The following TAP1 variants were observed in gnomAD, a reference collection of about 807,000 sequenced individuals.
The protein encoded by TAP1 is transporter 1, ATP binding cassette subfamily B member, also known as antigen peptide transporter 1.
A neutral mutation model predicts 79.3 loss-of-function variants in TAP1; 56 were observed. That is an observed-to-expected ratio of 0.71 (90% CI 0.57 to 0.88). The LOEUF (loss-of-function observed/expected upper bound fraction) is 0.88, where lower values mean the gene tolerates loss of function less well. Ranked by LOEUF, TAP1 falls within the 40% of genes least tolerant of loss-of-function variation. The pLI is 0.00. For synonymous variants in TAP1, 355 were observed against 401.4 expected (o/e 0.88, Z 1.38); for missense variants, 737 against 936.3 (o/e 0.79, Z 2.78).
At chr6:32,846,224 A>G (rs944085178) in intron 10 of TAP1, 3 of 217,792 alleles carry the variant, frequency 1.4e-5, no homozygotes, top group Non-Finnish European at 2.8e-5. Flanking sequence ...TTTAACCTCC[A>G]TTTTGTCATC....
rs1487318590 is a variant in TAP1, at chr6:32,847,374, TGAA to T, written c.1903+136_1903+138del. ...GAACAGAATCCTGAGGATGTCAGGA[TGAA>T]GAAGCCATAGGAGCATGATCTTACA... On this transcript the variant is annotated intron_variant, in intron 9 of 10. Transcript: ENST00000354258. This position sits in a 1 kb window ranked among gnomAD's most constrained non-coding sequence, Gnocchi z 4.7. The T allele has an allele frequency of 1.3e-6, 2 of 1,499,346 alleles. No homozygotes were observed. The highest frequency in any genetic ancestry group is 1.4e-5 in the African/African-American group (1 of 72,282). 92.9% of individuals were successfully genotyped at this position (1,499,346 alleles called of 1,614,324 possible).
chr6:32,853,040 AAG>A lies in TAP1; in HGVS notation c.595_596del (p.Leu199TrpfsTer14). On this transcript the variant is annotated frameshift_variant and splice_region_variant, in exon 1 of 11. Transcript: ENST00000354258. LOFTEE classifies it high-confidence loss of function. This position sits in a 1 kb window ranked among gnomAD's most constrained non-coding sequence, Gnocchi z 8.3. ...LFLVLVVLSS[L>X]GEMAIPFFTG... Reference sequence around the variant, plus strand: ...CCTCTTGCCCTGCGTTCCCCTTACCAAGAGAGGAGAGGACCACCAGGACCAGG... The same window carrying A: ...CCTCTTGCCCTGCGTTCCCCTTACCAAGAGGAGAGGACCACCAGGACCAGG... The A allele has an allele frequency of 6.2e-7, 1 of 1,611,656 alleles. No homozygotes were observed. The highest frequency in any genetic ancestry group is 8.5e-7 in the Non-Finnish European group (1 of 1,179,932).
chr6:32,850,498 CG>C lies in TAP1; in HGVS notation c.1069del (p.Arg357GlyfsTer41). On this transcript the variant is annotated frameshift_variant, in exon 5 of 11. Transcript: ENST00000354258. LOFTEE classifies it high-confidence loss of function. The surrounding 1 kb of genome is among the most constrained non-coding windows in gnomAD (Gnocchi z 5.5). ...KWYQLLEVQV[R>X]ESLAKSSQVA... ...CTGGCTGGACTTTGCCAGAGATTCC[CG>C]CACCTGCACTTCCAGCAACTGTGGA... 1 of 1,613,142 alleles carries C rather than the reference CG, an allele frequency of 6.2e-7. No homozygotes were observed. Among genetic ancestry groups the C allele is most frequent in the Non-Finnish European group, 8.5e-7 (1 of 1,180,026 alleles).
At position 32,853,165 on chromosome 6, in the gene TAP1, C is replaced by G; in HGVS notation, c.472G>C (p.Gly158Arg). 5 of 1,612,566 alleles carry G rather than the reference C, an allele frequency of 3.1e-6. No homozygotes were observed. The highest frequency in any genetic ancestry group is 4.2e-6 in the Non-Finnish European group (5 of 1,179,848). The part of the protein sequence containing the change: ...LPAAALWHKL[G>R]SLWVPGGQGG... ...TGACCGCCGGGCACCCAGAGGCTCC[C>G]GAGTTTGTGCCACAGGGCTGCTGCG... Residue 158 changes from glycine to arginine, a missense_variant, in exon 1 of 11, where the codon GGG becomes CGG. Physicochemically the swap from Gly to Arg is moderately radical, Grantham distance 125. Coordinates refer to ENST00000354258, the MANE Select transcript of TAP1 (RefSeq NM_000593.6). This position sits in a 1 kb window ranked among gnomAD's most constrained non-coding sequence, Gnocchi z 8.3.
chr6:32,850,195 T>C lies in TAP1; in HGVS notation c.1248+125A>G. The stretch of plus-strand genomic sequence containing the variant: ...GTAGAGTCATTGAGCCTCAGGTTGC[T>C]AGGACGAAAATACTGAACCAACCAT... On this transcript the variant is annotated intron_variant, in intron 5 of 10. Transcript: ENST00000354258. This position sits in a 1 kb window ranked among gnomAD's most constrained non-coding sequence, Gnocchi z 5.5. 1 of 1,038,974 alleles carries C rather than the reference T, an allele frequency of 9.6e-7. No homozygotes were observed. The allele number at this position is 1,038,974 out of a possible 1,614,324, so 64.4% of individuals were successfully genotyped here.
chr6:32,852,513 A>C lies in TAP1; in HGVS notation c.599-11T>G. ...GAATGGCCATCTCCCCTGGAGAAAGAGAAGAGAGGTCACGCACAAATATTA... is the reference window on the plus strand; with the variant it reads ...GAATGGCCATCTCCCCTGGAGAAAGCGAAGAGAGGTCACGCACAAATATTA... On this transcript the variant is annotated splice_polypyrimidine_tract_variant and intron_variant, in intron 1 of 10. Transcript: ENST00000354258. This position sits in a 1 kb window ranked among gnomAD's most constrained non-coding sequence, Gnocchi z 4.8. 1 of 1,613,040 alleles carries C rather than the reference A, an allele frequency of 6.2e-7. No individual in the cohort carries two copies. The highest frequency in any genetic ancestry group is 1.3e-5 in the African/African-American group (1 of 75,018).
Position 32,852,401 on chromosome 6 carries a change from G to A in TAP1, c.700C>T (p.Leu234Phe). Residue 234 changes from leucine to phenylalanine, a missense_variant, in exon 2 of 11, where the codon CTC becomes TTC. Physicochemically the swap from Leu to Phe is conservative, Grantham distance 22. Transcript: ENST00000354258. The surrounding 1 kb of genome is among the most constrained non-coding windows in gnomAD (Gnocchi z 4.8). ...CAGCCCCCAGACCTGGCTATGGTGA[G>A]AATGGACATGAGAGTTAAGTTTCGA... ...FTRNLTLMSI[L>F]TIASAVLEFV... 6.2e-7 allele frequency: 1 copy of A among 1,613,096 alleles called. No homozygotes were observed.
Position 32,852,759 on chromosome 6 carries a change from G to A in TAP1, c.599-257C>T. 10 of 1,442,440 alleles carry A rather than the reference G, an allele frequency of 6.9e-6. No homozygotes were observed. The South Asian group carries it at 1.4e-4, about 19-fold the overall frequency. The allele number at this position is 1,442,440 out of a possible 1,614,324, so 89.4% of individuals were successfully genotyped here. A position where few individuals can be genotyped will look rare whatever the true frequency, so the allele number is the denominator to read the frequency against. On this transcript the variant is annotated intron_variant, in intron 1 of 10. Coordinates refer to ENST00000354258, the MANE Select transcript of TAP1 (RefSeq NM_000593.6). This position sits in a 1 kb window ranked among gnomAD's most constrained non-coding sequence, Gnocchi z 4.8. ...AGTAGAAAAGCCTCCTGTTAGAGAT[G>A]AGGATGCCCCGCCCTTCGGCCCCAG... is the stretch of plus-strand genomic sequence containing the variant.
chr6:32,847,524 C>A lies in TAP1; in HGVS notation c.1892G>T (p.Gly631Val), dbSNP rs776014768. 25 of 1,613,594 alleles carry A rather than the reference C, an allele frequency of 1.5e-5. No homozygotes were observed. Among genetic ancestry groups the A allele is most frequent in the Non-Finnish European group, 2.0e-5 (24 of 1,180,012 alleles). The change falls in exon 9 of 11, where the codon GGC becomes GTC. Residue 631 changes from glycine to valine, a missense_variant. By Grantham distance (109) the Gly-to-Val change is moderately radical. Transcript: ENST00000354258. The surrounding 1 kb of genome is among the most constrained non-coding windows in gnomAD (Gnocchi z 4.7). ...AGTGGAGAGAGTACCTGTGTCATAG[C>A]CCTGAGGGAGTCCAGAGATGAAACT... Reference protein sequence around the residue: ...AHSFISGLPQGYDTEVDEAGS... With the variant: ...AHSFISGLPQVYDTEVDEAGS...
rs766005972 is a variant in TAP1, at chr6:32,851,559, G to A, written c.845-410C>T. Among the ~76,000 whole-genome samples the A allele has an allele frequency of 6.6e-6, 1 of 152,088 alleles. No individual in the cohort carries two copies. Among genetic ancestry groups the A allele is most frequent in the African/African-American group, 2.4e-5 (1 of 41,390 alleles). ...CACTGGGACTAGGGTTCTAACCCCA[G>A]GTCTATCTCTAGCCATATGTAACTG... is the stretch of plus-strand genomic sequence containing the variant. On this transcript the variant is annotated intron_variant, in intron 3 of 10. Coordinates refer to ENST00000354258, the MANE Select transcript of TAP1 (RefSeq NM_000593.6). The surrounding 1 kb of genome is among the most constrained non-coding windows in gnomAD (Gnocchi z 4.8).
chr6:32,847,164 T>C lies in TAP1; in HGVS notation c.1944A>G (p.Arg648=), dbSNP rs112393533. The part of the protein sequence containing the change: ...EAGSQLSGGQ[R]QAVALARALI... ...ATGCTCGGGCCAACGCCACTGCCTG[T>C]CGCTGACCCCCTGACAGCTGGCTCC... The change falls in exon 10 of 11, where the codon CGA becomes CGG. Residue 648 remains arginine, a synonymous_variant. Transcript: ENST00000354258. The surrounding 1 kb of genome is among the most constrained non-coding windows in gnomAD (Gnocchi z 4.7). 1.9e-6 allele frequency: 3 copies of C among 1,612,740 alleles called. No individual in the cohort carries two copies. The South Asian group carries it at 3.3e-5, about 18-fold the overall frequency.
In TAP1 at chr6:32,847,221, C is replaced by A; in HGVS notation, c.1904-17G>T. The stretch of plus-strand genomic sequence containing the variant: ...CGTCTACCTCTGCAGAGCAAAGGGC[C>A]AAGATGAGAACGGTATAGCCACATG... On this transcript the variant is annotated splice_polypyrimidine_tract_variant and intron_variant, in intron 9 of 10. Transcript: ENST00000354258. This position sits in a 1 kb window ranked among gnomAD's most constrained non-coding sequence, Gnocchi z 4.7. The A allele has an allele frequency of 1.2e-6, 2 of 1,610,522 alleles. No individual in the cohort carries two copies. The highest frequency in any genetic ancestry group is 1.7e-6 in the Non-Finnish European group (2 of 1,180,004).
Position 32,852,752 on chromosome 6 carries a change from T to A in TAP1, c.599-250A>T. On this transcript the variant is annotated intron_variant, in intron 1 of 10. Transcript: ENST00000354258. This position sits in a 1 kb window ranked among gnomAD's most constrained non-coding sequence, Gnocchi z 4.8. ...ATCATGAAGTAGAAAAGCCTCCTGT[T>A]AGAGATGAGGATGCCCCGCCCTTCG... 1 of 1,443,386 alleles carries A rather than the reference T, an allele frequency of 6.9e-7. No individual in the cohort carries two copies. The highest frequency in any genetic ancestry group is 1.4e-5 in the African/African-American group (1 of 69,990). 89.4% of individuals were successfully genotyped at this position (1,443,386 alleles called of 1,614,324 possible).
Position 32,853,100 on chromosome 6 carries a change from G to T in TAP1, c.537C>A (p.Cys179Ter). The T allele has an allele frequency of 6.2e-7, 1 of 1,612,722 alleles. No homozygotes were observed. The highest frequency in any genetic ancestry group is 8.5e-7 in the Non-Finnish European group (1 of 1,179,978). Residue 179 changes from cysteine to a stop codon, truncating the protein, a stop_gained, in exon 1 of 11, where the codon TGC becomes TGA. Transcript: ENST00000354258. LOFTEE classifies it high-confidence loss of function. The surrounding 1 kb of genome is among the most constrained non-coding windows in gnomAD (Gnocchi z 8.3). ...AGAGGCGGCGCGTCTCCGAGCCCAG[G>T]CAGCCTAGAAGCCGACGCACAGGGT... Reference protein sequence around the residue: ...SGNPVRRLLGCLGSETRRLSL... With the variant: ...SGNPVRRLLG
chr6:32,848,165 A>G (rs1770562820), intron 7 of TAP1, 73 bp from the exon 8 acceptor site: 1 of 1,525,586 alleles, frequency 6.6e-7, no homozygotes, highest in South Asian at 1.2e-5. Flanking sequence ...GCCTTGTTAC[A>G]TAGCATGATG....
chr6:32,851,925 G>GTA lies in TAP1; in HGVS notation c.844+183_844+184insTA, dbSNP rs137996992. Among the ~76,000 whole-genome samples the GTA allele has an allele frequency of 2.5e-5, 1 of 39,604 alleles. No homozygotes were observed. The highest frequency in any genetic ancestry group is 6.4e-5 in the Non-Finnish European group (1 of 15,726). The allele number at this position is 39,604 out of a possible 152,430, so 26.0% of individuals were successfully genotyped here. On this transcript the variant is annotated intron_variant, in intron 3 of 10. Transcript: ENST00000354258. This position sits in a 1 kb window ranked among gnomAD's most constrained non-coding sequence, Gnocchi z 4.8. ...AAAACAATTGTGTGTGTGTGTGTGT[G>GTA]AGAGAGAGAGAGAGAGAGACAGAGA...
intron 7 of TAP1, 99 bp downstream of exon 7, chr6:32,848,553 A>C: frequency 7.8e-7 from 1 of 1,278,474 alleles, no homozygotes; most frequent in African/African-American, 1.5e-5. Context: ...GTTAGGGAGG[A>C]TATATGCTTG....
rs777683307 is a variant in TAP1, at chr6:32,850,412, C to T, written c.1156G>A (p.Glu386Lys). 4.3e-6 allele frequency: 7 copies of T among 1,614,134 alleles called. No homozygotes were observed. The highest frequency in any genetic ancestry group is 4.5e-5 in the East Asian group (2 of 44,906). Reference sequence around the variant, plus strand: ...AGCTTTTCCCTAAACTTCTGGGCTTCGCCCTCCTCGTTGGCAAAGCTTCGA... The same window carrying T: ...AGCTTTTCCCTAAACTTCTGGGCTTTGCCCTCCTCGTTGGCAAAGCTTCGA... ...TVRSFANEEG[E>K]AQKFREKLQE... is the part of the protein sequence containing the mutation. The change falls in exon 5 of 11, where the codon GAA becomes AAA. Residue 386 changes from glutamate (E) to lysine (K), a missense_variant. Coordinates refer to ENST00000354258, the MANE Select transcript of TAP1 (RefSeq NM_000593.6). This position sits in a 1 kb window ranked among gnomAD's most constrained non-coding sequence, Gnocchi z 5.5.
chr6:32,847,516 T>C lies in TAP1; in HGVS notation c.1900A>G (p.Thr634Ala), dbSNP rs367929577. 1.2e-6 allele frequency: 2 copies of C among 1,613,408 alleles called. No individual in the cohort carries two copies. The highest frequency in any genetic ancestry group is 1.1e-5 in the South Asian group (1 of 91,044). Reference sequence around the variant, plus strand: ...GTGAGATGAGTGGAGAGAGTACCTGTGTCATAGCCCTGAGGGAGTCCAGAG... The same window carrying C: ...GTGAGATGAGTGGAGAGAGTACCTGCGTCATAGCCCTGAGGGAGTCCAGAG... ...FISGLPQGYD[T>A]EVDEAGSQLS... Residue 634 changes from threonine (T) to alanine (A), a missense_variant, in exon 9 of 11, where the codon ACA becomes GCA. By Grantham distance (58) the Thr-to-Ala change is moderately conservative. This residue lies in a region of TAP1 where 266 missense variants were observed against 332.4 expected (regional missense o/e 0.80). Transcript: ENST00000354258. This position sits in a 1 kb window ranked among gnomAD's most constrained non-coding sequence, Gnocchi z 4.7.
Sources: gnomAD v4.1 joint callset for allele counts (sites outside exome capture counted in the v4.1 genomes callset) on GRCh38, gnomAD v4.1.1 for gene constraint, gnomAD v4.1.1 regional missense constraint, Gnocchi (gnomAD v3.1) non-coding constraint, MANE v1.5 for transcripts, NCBI Gene and HGNC (gene_info 2026-07-23, HGNC 2026-07-21) for gene names.